Variants in RIT2 observed in about 807,000 individuals in gnomAD.
RIT2 encodes Ras like without CAAX 2, also known as GTP-binding protein Rit2.
In RIT2, 24 loss-of-function variants were observed where a neutral mutation model predicts 23.7. The ratio of observed to expected loss-of-function variants is 1.01; its 90% confidence interval spans 0.73 to 1.43. The LOEUF is 1.43. Among genes scored for constraint, RIT2 ranks in the 40% most tolerant of loss-of-function variants. The pLI, the probability that RIT2 is intolerant of heterozygous loss-of-function variation, is 0.00. For missense variants in RIT2, 236 were observed against 266.9 expected (o/e 0.88, Z 0.81); for synonymous variants, 107 against 91.1 (o/e 1.17, Z -0.99).
chr18:43,024,694 A>G (rs1911669580), intron 2 of RIT2, among the ~76,000 whole-genome samples: 2 of 148,942 alleles, frequency 1.3e-5, no homozygotes, highest in Non-Finnish European at 3.0e-5. Context: ...CAGTATCTTC[A>G]TGGAACTCAA....
intron 2 of RIT2, among the ~76,000 whole-genome samples, chr18:43,019,722 A>C (rs2144264268): frequency 6.6e-6 from 1 of 152,164 alleles, no homozygotes; most frequent in East Asian, 1.9e-4. Context: ...AAAGACAACA[A>C]ATTGAAAATC....
At chr18:42,958,824 T>G (rs1181118076) in intron 3 of RIT2, among the ~76,000 whole-genome samples, 1 of 152,172 alleles carries the variant, frequency 6.6e-6, no homozygotes, top group Non-Finnish European at 1.5e-5. Context: ...TTCCTACATG[T>G]ATTGTCTCCT....
intron 4 of RIT2, among the ~76,000 whole-genome samples, chr18:42,765,866 G>A (rs1291027422): frequency 7.2e-5 from 11 of 152,104 alleles, no homozygotes; most frequent in South Asian, 2.1e-4. Flanking sequence ...GGTCTTTCCC[G>A]TGCTATTCTT....
intron 3 of RIT2, among the ~76,000 whole-genome samples, chr18:42,969,801 T>C (rs1910320511): frequency 1.3e-5 from 2 of 152,124 alleles, no homozygotes; most frequent in East Asian, 1.9e-4. Context: ...AAACTTATAA[T>C]TATTTTTAAA....
At chr18:42,762,187 A>C (rs1913318289) in intron 4 of RIT2, among the ~76,000 whole-genome samples, 1 of 152,194 alleles carries the variant, frequency 6.6e-6, no homozygotes, top group African/African-American at 2.4e-5. Context: ...GATCCAGAAT[A>C]ACCCTCCCCT....
intron 2 of RIT2, among the ~76,000 whole-genome samples, chr18:43,019,238 C>A (rs1293829900): frequency 6.6e-6 from 1 of 151,518 alleles, no homozygotes; most frequent in Non-Finnish European, 1.5e-5. Flanking sequence ...TAAGCAACAA[C>A]AAAAGTGCAG....
intron 3 of RIT2, among the ~76,000 whole-genome samples, chr18:42,944,873 T>G (rs1156455634): frequency 2.0e-5 from 3 of 152,076 alleles, no homozygotes; most frequent in Non-Finnish European, 4.4e-5. Flanking sequence ...AATATACAAT[T>G]TATAAGAGCC....
intron 2 of RIT2, among the ~76,000 whole-genome samples, chr18:43,014,010 G>T (rs1337455085): frequency 6.6e-6 from 1 of 151,776 alleles, no homozygotes; most frequent in Non-Finnish European, 1.5e-5. Context: ...AGGCTCCGCT[G>T]CTGGGTAAGG....
chr18:42,952,336 T>G (rs151022680), intron 3 of RIT2, among the ~76,000 whole-genome samples: 5 of 152,016 alleles, frequency 3.3e-5, no homozygotes, highest in Non-Finnish European at 5.9e-5. Context: ...TAGTCAAACT[T>G]TATAGAAGCA....
intron 4 of RIT2, among the ~76,000 whole-genome samples, chr18:42,887,573 T>C (rs995576895): frequency 3.3e-5 from 5 of 152,124 alleles, no homozygotes; most frequent in Non-Finnish European, 7.4e-5. Context: ...GGATGCAAAA[T>C]GGTACAGTCA....
chr18:43,074,646 G>A (rs773890903), intron 1 of RIT2, among the ~76,000 whole-genome samples: 3 of 152,014 alleles, frequency 2.0e-5, no homozygotes, highest in African/African-American at 4.8e-5. Flanking sequence ...GGAATCAACC[G>A]ACATGCCCAT....
In RIT2 at chr18:42,856,827, C is replaced by CTTTT. The variant is rs756725926; in HGVS notation, c.426+66741_426+66744dup. 3.1e-3 allele frequency among the ~76,000 whole-genome samples: 359 copies of CTTTT among 114,588 alleles called. 4 individuals are homozygous for CTTTT. The highest frequency in any genetic ancestry group is 8.8e-3 in the East Asian group (32 of 3,618). 75.2% of individuals were successfully genotyped at this position (114,588 alleles called of 152,430 possible). On this transcript the variant is annotated intron_variant, in intron 4 of 4. Transcript: ENST00000326695. ...AAGTCTTTTTCTTTTCTCTCTCTCTCTTTTTTTTTTTTTTTTTTTTGAGAC... is the reference window on the plus strand; with the variant it reads ...AAGTCTTTTTCTTTTCTCTCTCTCTCTTTTTTTTTTTTTTTTTTTTTTTTGAGAC...
At chr18:42,884,244 C>T (rs1907965142) in intron 4 of RIT2, among the ~76,000 whole-genome samples, 1 of 152,240 alleles carries the variant, frequency 6.6e-6, no homozygotes, top group East Asian at 1.9e-4. Context: ...GTTGCTTGTC[C>T]CCTACTGGAT....
At chr18:43,082,429 A>C (rs1158193937) in intron 1 of RIT2, among the ~76,000 whole-genome samples, 1 of 152,144 alleles carries the variant, frequency 6.6e-6, no homozygotes, top group Admixed American at 6.6e-5. Context: ...CAACAACAAC[A>C]ACAAAATTTC....
chr18:43,062,590 C>T (rs1303831687), intron 1 of RIT2, among the ~76,000 whole-genome samples: 1 of 152,116 alleles, frequency 6.6e-6, no homozygotes, highest in Non-Finnish European at 1.5e-5. Context: ...TGATAAGCTA[C>T]CCTTTGTCTT....
At chr18:43,029,644 A>G (rs1037770328) in intron 2 of RIT2, among the ~76,000 whole-genome samples, 5 of 152,030 alleles carry the variant, frequency 3.3e-5, no homozygotes, top group Non-Finnish European at 5.9e-5. Flanking sequence ...TAGGCAAAGA[A>G]ACTCAATGAA....
At chr18:42,766,585 A>G (rs1030231405) in intron 4 of RIT2, among the ~76,000 whole-genome samples, 2 of 152,356 alleles carry the variant, frequency 1.3e-5, no homozygotes, top group African/African-American at 4.8e-5. Context: ...TGCGATAGAA[A>G]GAAAACCCCA....
chr18:42,883,835 A>T (rs976785701), intron 4 of RIT2, among the ~76,000 whole-genome samples: 1 of 152,122 alleles, frequency 6.6e-6, no homozygotes, highest in African/African-American at 2.4e-5. Flanking sequence ...TCTAACTATT[A>T]TTATTTTCTG....
rs192075638 is a variant in RIT2, at chr18:42,943,723, A to G, written c.235-19960T>C. On this transcript the variant is annotated intron_variant, in intron 3 of 4. Transcript: ENST00000326695. Reference sequence around the variant, plus strand: ...TTTGTATATATTAGCCTATGGTAGAATTGGTTTTGTGATATTATTTTATGT... The same window carrying G: ...TTTGTATATATTAGCCTATGGTAGAGTTGGTTTTGTGATATTATTTTATGT... Among the ~76,000 whole-genome samples, 345 of 152,258 alleles carry G rather than the reference A, an allele frequency of 2.3e-3. 2 individuals are homozygous for G. Among genetic ancestry groups the G allele is most frequent in the Non-Finnish European group, 3.8e-4 (26 of 68,004 alleles).
Sources: gnomAD v4.1 joint callset for allele counts (sites outside exome capture counted in the v4.1 genomes callset) on GRCh38, gnomAD v4.1.1 for gene constraint, MANE v1.5 for transcripts, NCBI Gene and HGNC (gene_info 2026-07-23, HGNC 2026-07-21) for gene names.